PLPPR1: variants seen among roughly 807,000 people sequenced by gnomAD.
PLPPR1 encodes the protein phospholipid phosphatase-related protein type 1.
PLPPR1 carries 10 observed loss-of-function variants against 33.1 expected under a neutral mutation model. That is an observed-to-expected ratio of 0.30 (90% CI 0.19 to 0.51). The LOEUF (loss-of-function observed/expected upper bound fraction) is 0.51, where lower values mean the gene tolerates loss of function less well. Among genes scored for constraint, PLPPR1 ranks in the 20% least tolerant of loss-of-function variants. PLPPR1 has a pLI of 0.97. For synonymous variants in PLPPR1, 151 were observed against 151.0 expected (o/e 1.00, Z 0.00); for missense variants, 304 against 408.1 (o/e 0.74, Z 2.20).
chr9:101,204,306 G>A (rs1395257774), intron 2 of PLPPR1, among the ~76,000 whole-genome samples: 3 of 152,084 alleles, frequency 2.0e-5, no homozygotes, highest in African/African-American at 7.2e-5. Context: ...TATGAATAAG[G>A]GAAATCAGGA....
At chr9:101,218,648 A>G (rs991936325) in intron 2 of PLPPR1, among the ~76,000 whole-genome samples, 1 of 152,198 alleles carries the variant, frequency 6.6e-6, no homozygotes, top group Admixed American at 6.5e-5. Flanking sequence ...TATTTTTATT[A>G]GCAAAGCATG....
At chr9:101,134,621 T>C (rs1831356088) in intron 1 of PLPPR1, among the ~76,000 whole-genome samples, 1 of 152,138 alleles carries the variant, frequency 6.6e-6, no homozygotes, top group African/African-American at 2.4e-5. Flanking sequence ...TGAGCTCAAG[T>C]GATTTGCCCA....
intron 2 of PLPPR1, among the ~76,000 whole-genome samples, chr9:101,223,902 ACTT>A (rs1716062753): frequency 6.6e-6 from 1 of 152,102 alleles, no homozygotes; most frequent in Admixed American, 6.6e-5. Context: ...CCAAACCAGT[ACTT>A]CATTATTGTA....
chr9:101,205,997 G>A (rs1287870357), intron 2 of PLPPR1, among the ~76,000 whole-genome samples: 1 of 152,114 alleles, frequency 6.6e-6, no homozygotes, highest in Admixed American at 6.5e-5. Flanking sequence ...GTGGGAAGAG[G>A]GTAAGACAGT....
chr9:101,054,644 T>A (rs1264739801), intron 1 of PLPPR1, among the ~76,000 whole-genome samples: 1 of 152,216 alleles, frequency 6.6e-6, no homozygotes, highest in African/African-American at 2.4e-5. Flanking sequence ...CTGAGGTTAT[T>A]GAAAATTGAT....
intron 1 of PLPPR1, among the ~76,000 whole-genome samples, chr9:101,180,562 A>G: frequency 6.6e-6 from 1 of 151,944 alleles, no homozygotes; most frequent in Non-Finnish European, 1.5e-5. Context: ...AGAACAGTAT[A>G]GACAGCCCAG....
intron 1 of PLPPR1, among the ~76,000 whole-genome samples, chr9:101,101,692 T>C (rs1329081): frequency 0.03 from 4,577 of 152,288 alleles, 101 homozygotes; most frequent in East Asian, 0.088. Flanking sequence ...ATGGACCATA[T>C]GGTTCAAACC....
intron 1 of PLPPR1, among the ~76,000 whole-genome samples, chr9:101,099,045 C>T (rs761833680): frequency 9.9e-5 from 15 of 151,690 alleles, no homozygotes; most frequent in South Asian, 2.1e-4. Context: ...GAAAGTCACT[C>T]AATCCCTCTA....
intron 3 of PLPPR1, among the ~76,000 whole-genome samples, chr9:101,284,692 T>C (rs1362706978): frequency 6.6e-6 from 1 of 152,204 alleles, no homozygotes; most frequent in Non-Finnish European, 1.5e-5. Flanking sequence ...GATTCCAGTT[T>C]TGAAATTTTA....
chr9:101,238,678 G>A (rs916316271), intron 2 of PLPPR1, among the ~76,000 whole-genome samples: 1 of 151,672 alleles, frequency 6.6e-6, no homozygotes, highest in Non-Finnish European at 1.5e-5. Flanking sequence ...TACCTGTTGG[G>A]TGCAATGTCT....
chr9:101,158,790 T>C (rs1831733946), intron 1 of PLPPR1, among the ~76,000 whole-genome samples: 3 of 152,120 alleles, frequency 2.0e-5, no homozygotes, highest in Admixed American at 1.3e-4. Context: ...TTCAGGAAAA[T>C]AGCTCCAGAT....
At chr9:101,117,631 T>TA (rs1831131543) in intron 1 of PLPPR1, among the ~76,000 whole-genome samples, 1 of 151,738 alleles carries the variant, frequency 6.6e-6, no homozygotes, top group Non-Finnish European at 1.5e-5. Context: ...TTTATCCCTT[T>TA]ACTTTCTTAA....
Position 101,309,361 on chromosome 9 carries a change from G to A in PLPPR1, c.536G>A (p.Gly179Glu), listed in dbSNP as rs1452979767. 2 of 1,613,942 alleles carry A rather than the reference G, an allele frequency of 1.2e-6. No individual in the cohort carries two copies. The highest frequency in any genetic ancestry group is 1.3e-5 in the African/African-American group (1 of 74,876). ...GCGCACCACCAGTTTATAAACAATG[G>A]GAACATTTGTACTGGGGACCTGGAA... is the stretch of plus-strand genomic sequence containing the variant. ...CQAHHQFINN[G>E]NICTGDLEVI... The change falls in exon 5 of 8, where the codon GGG becomes GAG. Residue 179 changes from glycine to glutamate, a missense_variant. Transcript: ENST00000374874.
At chr9:101,267,120 T>A (rs1314660558) in intron 2 of PLPPR1, among the ~76,000 whole-genome samples, 1 of 152,142 alleles carries the variant, frequency 6.6e-6, no homozygotes, top group Non-Finnish European at 1.5e-5. Context: ...CAGACGGAAC[T>A]CCAGAGACAG....
intron 2 of PLPPR1, among the ~76,000 whole-genome samples, chr9:101,194,705 A>G (rs1214267149): frequency 6.6e-6 from 1 of 151,212 alleles, no homozygotes; most frequent in African/African-American, 2.4e-5. Context: ...GAGCCGAGAT[A>G]GAGCGCCGTT....
chr9:101,301,023 A>C (rs1393794275), intron 4 of PLPPR1, among the ~76,000 whole-genome samples: 1 of 152,252 alleles, frequency 6.6e-6, no homozygotes, highest in Non-Finnish European at 1.5e-5. Flanking sequence ...TAAGAAGCAG[A>C]GTAATTTTAT....
At chr9:101,047,396 T>C (rs1173712349) in intron 1 of PLPPR1, among the ~76,000 whole-genome samples, 1 of 152,244 alleles carries the variant, frequency 6.6e-6, no homozygotes, top group African/African-American at 2.4e-5. Context: ...ATCTGTCCAT[T>C]GAGAAGTGAA....
At chr9:101,246,640 C>G (rs183135161) in intron 2 of PLPPR1, among the ~76,000 whole-genome samples, 14 of 152,146 alleles carry the variant, frequency 9.2e-5, no homozygotes, top group Non-Finnish European at 1.9e-4. Flanking sequence ...TATACTATCT[C>G]TCAACAGCAA....
chr9:101,117,285 A>G (rs1184199440), intron 1 of PLPPR1, among the ~76,000 whole-genome samples: 3 of 152,186 alleles, frequency 2.0e-5, no homozygotes, highest in Admixed American at 6.5e-5. Flanking sequence ...AGCAGACTGC[A>G]GTGGAGAAGC....
Sources: allele counts gnomAD v4.1 joint callset (sites outside exome capture counted in the v4.1 genomes callset), GRCh38; gene constraint gnomAD v4.1.1; transcripts MANE v1.5; gene names NCBI Gene and HGNC (gene_info 2026-07-23, HGNC 2026-07-21).